The following FRMD4A variants were observed in gnomAD, a reference collection of about 807,000 sequenced individuals.
The protein encoded by FRMD4A is FERM domain containing 4A.
Under a neutral mutation model 129.1 loss-of-function variants are expected in FRMD4A, and 29 were observed. The ratio of observed to expected loss-of-function variants is 0.22; its 90% CI spans 0.17 to 0.31. The LOEUF (loss-of-function observed/expected upper bound fraction) is 0.31, where lower values mean the gene tolerates loss of function less well. Ranked by LOEUF, FRMD4A falls within the 10% of genes least tolerant of loss-of-function variation. The pLI, the probability that FRMD4A is intolerant of heterozygous loss-of-function variation, is 1.00. For missense variants in FRMD4A, 1,272 were observed against 1,375.8 expected (o/e 0.92, Z 1.19); for synonymous variants, 634 against 571.6 (o/e 1.11, Z -1.56).
chr10:13,900,874 G>A (rs540534645), intron 2 of FRMD4A, among the ~76,000 whole-genome samples: 36 of 152,236 alleles, frequency 2.4e-4, no homozygotes, highest in Non-Finnish European at 4.4e-4. Context: ...TCCAGCCTGG[G>A]CGACAGAGCG....
At chr10:13,823,812 G>T (rs1412529882) in intron 3 of FRMD4A, among the ~76,000 whole-genome samples, 1 of 152,176 alleles carries the variant, frequency 6.6e-6, no homozygotes, top group Non-Finnish European at 1.5e-5. Context: ...TCATGACACT[G>T]CACACTGAAT....
rs376067467 is a variant in FRMD4A, at chr10:13,964,558, C to T, written c.46-105646G>A. Among the ~76,000 whole-genome samples the T allele has an allele frequency of 3.3e-5, 5 of 152,240 alleles. No individual in the cohort carries two copies. The South Asian group carries it at 8.3e-4, about 25-fold the overall frequency. The stretch of plus-strand genomic sequence containing the variant: ...GAAGCTTAAACTTCAGGGTTCCTCA[C>T]TTCATGGGATCTTCCAAGTCTCTGG... On this transcript the variant is annotated intron_variant, in intron 2 of 24. Transcript: ENST00000357447.
chr10:13,738,925 T>C (rs907535226), intron 11 of FRMD4A, among the ~76,000 whole-genome samples: 1 of 152,184 alleles, frequency 6.6e-6, no homozygotes, highest in Non-Finnish European at 1.5e-5. Flanking sequence ...CTGCCCCCAC[T>C]GTTTATTAAC....
chr10:14,015,192 A>G (rs938860874), intron 2 of FRMD4A, among the ~76,000 whole-genome samples: 1 of 8,480 alleles, frequency 1.2e-4, no homozygotes, highest in African/African-American at 5.0e-4. Flanking sequence ...CCTCCCTCCC[A>G]CCCTTCCTTT....
chr10:13,676,428 A>ATTTT (rs60180649), intron 15 of FRMD4A, among the ~76,000 whole-genome samples: 3 of 128,886 alleles, frequency 2.3e-5, no homozygotes, highest in African/African-American at 5.9e-5. Flanking sequence ...ACACCCAGCT[A>ATTTT]TTTTTTTTTT....
chr10:13,700,903 G>C (rs1440802057), intron 14 of FRMD4A, among the ~76,000 whole-genome samples: 3 of 138,236 alleles, frequency 2.2e-5, no homozygotes, highest in African/African-American at 8.1e-5. Flanking sequence ...GGAACCGCCT[G>C]AGGGTTTTCA....
chr10:13,710,200 C>T (rs889817366), intron 12 of FRMD4A, among the ~76,000 whole-genome samples: 19 of 152,140 alleles, frequency 1.2e-4, no homozygotes, highest in African/African-American at 4.6e-4. Flanking sequence ...AAAGCAGAAC[C>T]AGGTGTGAGC....
intron 2 of FRMD4A, among the ~76,000 whole-genome samples, chr10:13,975,792 G>A (rs2095540305): frequency 6.6e-6 from 1 of 152,118 alleles, no homozygotes; most frequent in South Asian, 2.1e-4. Flanking sequence ...TCTTACAGAG[G>A]AGGTCCCAGC....
At chr10:14,040,943 A>G (rs1189903296) in intron 2 of FRMD4A, among the ~76,000 whole-genome samples, 1 of 152,210 alleles carries the variant, frequency 6.6e-6, no homozygotes, top group Non-Finnish European at 1.5e-5. Context: ...AAGCCCAGAG[A>G]AATCTATTTC....
At chr10:13,681,652 A>T (rs2084604937) in intron 15 of FRMD4A, among the ~76,000 whole-genome samples, 1 of 152,216 alleles carries the variant, frequency 6.6e-6, no homozygotes, top group South Asian at 2.1e-4. Flanking sequence ...TCTTTAGAAG[A>T]CACAAACTGT....
intron 8 of FRMD4A, among the ~76,000 whole-genome samples, chr10:13,751,362 T>C (rs1459877463): frequency 2.0e-5 from 3 of 152,186 alleles, no homozygotes. Flanking sequence ...CCAAATCCAT[T>C]ATATTCTGGA....
In FRMD4A at chr10:13,836,655, A is replaced by G. The variant is rs147614672; in HGVS notation, c.111+22192T>C. On this transcript the variant is annotated intron_variant, in intron 3 of 24. Coordinates refer to ENST00000357447, the MANE Select transcript of FRMD4A (RefSeq NM_018027.5). ...CACAACTGAAGAAGTCACATACCCC[A>G]AAATGAGTTTGTGGCCCAGGAGGGA... is the stretch of plus-strand genomic sequence containing the variant. Among the ~76,000 whole-genome samples, 56 of 152,230 alleles carry G rather than the reference A, an allele frequency of 3.7e-4. No individual in the cohort carries two copies. In the East Asian group the frequency reaches 0.01, roughly 27 times the overall value.
chr10:13,836,552 G>A (rs2093876898), intron 3 of FRMD4A, among the ~76,000 whole-genome samples: 1 of 152,134 alleles, frequency 6.6e-6, no homozygotes, highest in African/African-American at 2.4e-5. Flanking sequence ...AGTAGAGCTG[G>A]AATAGGTCTC....
At chr10:13,956,031 C>T (rs1301032376) in intron 2 of FRMD4A, among the ~76,000 whole-genome samples, 1 of 152,220 alleles carries the variant, frequency 6.6e-6, no homozygotes, top group Admixed American at 6.5e-5. Context: ...CCTAGAAAGG[C>T]AGATTCCCAG....
intron 11 of FRMD4A, among the ~76,000 whole-genome samples, chr10:13,739,652 T>G (rs545121299): frequency 4.6e-5 from 7 of 152,340 alleles, no homozygotes; most frequent in African/African-American, 1.4e-4. Context: ...AGGCAGCCTT[T>G]CTGTTAAGTT....
chr10:13,682,050 T>C (rs1402064973), intron 15 of FRMD4A, among the ~76,000 whole-genome samples: 1 of 142,830 alleles, frequency 7.0e-6, no homozygotes, highest in African/African-American at 2.5e-5. Context: ...CCAGACCTTG[T>C]CTCTACAAAA....
At chr10:13,697,883 C>T (rs2086380973) in intron 14 of FRMD4A, among the ~76,000 whole-genome samples, 1 of 152,188 alleles carries the variant, frequency 6.6e-6, no homozygotes, top group Non-Finnish European at 1.5e-5. Flanking sequence ...TAAGACGTTC[C>T]TTGGCTCTGG....
chr10:13,661,300 A>G (rs1440282128), intron 19 of FRMD4A, among the ~76,000 whole-genome samples: 1 of 152,204 alleles, frequency 6.6e-6, no homozygotes, highest in Non-Finnish European at 1.5e-5. Context: ...CAGTGAGTCT[A>G]GGAGGTGCTG....
chr10:13,974,022 T>C (rs79039972), intron 2 of FRMD4A, among the ~76,000 whole-genome samples: 15 of 124,780 alleles, frequency 1.2e-4, no homozygotes, highest in African/African-American at 4.3e-4. Flanking sequence ...GACAGTTCTT[T>C]TTTTTTTTTT....
Sources: gnomAD v4.1 joint callset for allele counts (sites outside exome capture counted in the v4.1 genomes callset) on GRCh38, gnomAD v4.1.1 for gene constraint, MANE v1.5 for transcripts, NCBI Gene and HGNC (gene_info 2026-07-23, HGNC 2026-07-21) for gene names.